COL4A2: variants seen among roughly 807,000 people sequenced by gnomAD.
COL4A2 encodes the protein collagen alpha-2(IV) chain.
COL4A2 carries 99 observed loss-of-function variants against 200.2 expected under a neutral mutation model. The observed-to-expected ratio is 0.49, with a 90% confidence interval of 0.42 to 0.58. The LOEUF is 0.58. Among genes scored for constraint, COL4A2 ranks in the 20% least tolerant of loss-of-function variants. The pLI is 0.00. For synonymous variants in COL4A2, 897 were observed against 900.6 expected (o/e 1.00, Z 0.07); for missense variants, 1,950 against 2,314.1 (o/e 0.84, Z 3.23).
chr13:110,316,975 G>C (rs1885146077), intron 3 of COL4A2, among the ~76,000 whole-genome samples: 1 of 152,028 alleles, frequency 6.6e-6, no homozygotes, highest in South Asian at 2.1e-4. Context: ...AAGAGAGAGA[G>C]AACACACACA....
At chr13:110,368,340 C>T (rs952723092) in intron 4 of COL4A2, among the ~76,000 whole-genome samples, 28 of 152,204 alleles carry the variant, frequency 1.8e-4, no homozygotes, top group Admixed American at 1.8e-3. Context: ...AATAATCCAA[C>T]TCCCAAAAGT....
rs116060799 is a variant in COL4A2 at position 110,439,314 on chromosome 13, A to G, written c.913-475A>G. On this transcript the variant is annotated intron_variant, in intron 15 of 47. Coordinates refer to ENST00000360467, the MANE Select transcript of COL4A2 (RefSeq NM_001846.4). ...TTTTACATTCTCCAAAAATAAGAATAGAGAGACACAGTAGAACATTAGAGT... is the reference window on the plus strand; with the variant it reads ...TTTTACATTCTCCAAAAATAAGAATGGAGAGACACAGTAGAACATTAGAGT... 7.1e-3 allele frequency among the ~76,000 whole-genome samples: 1,076 copies of G among 152,368 alleles called. 8 individuals carry two copies. The highest frequency in any genetic ancestry group is 0.022 in the African/African-American group (923 of 41,582).
At chr13:110,427,322 G>A (rs1300606651) in intron 6 of COL4A2, among the ~76,000 whole-genome samples, 1 of 152,064 alleles carries the variant, frequency 6.6e-6, no homozygotes, top group Non-Finnish European at 1.5e-5. Flanking sequence ...GCTAATTTTT[G>A]TATTTTTAGT....
In COL4A2 at chr13:110,495,475, C is replaced by G; in HGVS notation, c.3760+8C>G. On this transcript the variant is annotated splice_region_variant and intron_variant, in intron 40 of 47. Coordinates refer to ENST00000360467, the MANE Select transcript of COL4A2 (RefSeq NM_001846.4). Reference sequence around the variant, plus strand: ...GAGACCAAGGAGCTCCAGGTGAGGCCACACATTCCAAGCCAACATTGCCGT... The same window carrying G: ...GAGACCAAGGAGCTCCAGGTGAGGCGACACATTCCAAGCCAACATTGCCGT... 1 of 1,610,574 alleles carries G rather than the reference C, an allele frequency of 6.2e-7. No individual in the cohort carries two copies. The highest frequency in any genetic ancestry group is 8.5e-7 in the Non-Finnish European group (1 of 1,178,866).
intron 20 of COL4A2, among the ~76,000 whole-genome samples, chr13:110,452,053 C>T (rs537286093): frequency 1.3e-5 from 2 of 152,212 alleles, no homozygotes; most frequent in Non-Finnish European, 2.9e-5. Context: ...CTCCTACCTT[C>T]GGGGAGGAAA....
intron 4 of COL4A2, among the ~76,000 whole-genome samples, chr13:110,386,202 C>T (rs182207822): frequency 7.2e-4 from 110 of 152,284 alleles, no homozygotes; most frequent in Middle Eastern, 3.4e-3. Context: ...GTTGCAGTTG[C>T]GGATACACTG....
intron 20 of COL4A2, chr13:110,456,753 G>C (rs917459472): frequency 1.7e-5 from 8 of 474,784 alleles, no homozygotes; most frequent in African/African-American, 1.6e-4. Flanking sequence ...GGGGACCCTG[G>C]GCATCCTTGA....
intron 3 of COL4A2, among the ~76,000 whole-genome samples, chr13:110,339,098 A>G (rs1465468024): frequency 1.3e-5 from 2 of 152,158 alleles, no homozygotes; most frequent in Non-Finnish European, 2.9e-5. Context: ...TTAAGAAACT[A>G]TTTTTTCACG....
intron 20 of COL4A2, 116 bp downstream of exon 20, chr13:110,450,570 C>A: frequency 8.0e-7 from 1 of 1,250,074 alleles, no homozygotes; most frequent in Non-Finnish European, 1.1e-6. Flanking sequence ...ATCCAGTAGG[C>A]CAGTGATTAG....
intron 3 of COL4A2, among the ~76,000 whole-genome samples, chr13:110,314,811 C>A (rs1885089688): frequency 6.6e-6 from 1 of 152,162 alleles, no homozygotes; most frequent in Non-Finnish European, 1.5e-5. Flanking sequence ...CCCCTTCCCG[C>A]CTGCCTAGGA....
At chr13:110,510,560 C>G (rs1231161872) in intron 47 of COL4A2, among the ~76,000 whole-genome samples, 1 of 152,200 alleles carries the variant, frequency 6.6e-6, no homozygotes, top group Non-Finnish European at 1.5e-5. Context: ...GTGCGTGTGC[C>G]TGGACTGTGT....
rs371702802 is a variant in COL4A2 at position 110,411,246 on chromosome 13, C to T, written c.181-13488C>T. On this transcript the variant is annotated intron_variant, in intron 4 of 47. Coordinates refer to ENST00000360467, the MANE Select transcript of COL4A2 (RefSeq NM_001846.4). ...TCGTCTTCTCCAAGGTCCAGCTAAA[C>T]CCTGCTTCAGAATATGCTTAAACAG... Among the ~76,000 whole-genome samples, 33 of 152,372 alleles carry T rather than the reference C, an allele frequency of 2.2e-4. No individual in the cohort carries two copies. The South Asian group carries it at 6.8e-3, about 32-fold the overall frequency.
At chr13:110,446,665 G>T (rs999135634) in intron 17 of COL4A2, 133 bp from the exon 18 acceptor site, 12 of 691,522 alleles carry the variant, frequency 1.7e-5, no homozygotes, top group Middle Eastern at 4.0e-4. Flanking sequence ...CACTGTCTGT[G>T]GTTCCACTGG....
chr13:110,322,222 G>T (rs541191228), intron 3 of COL4A2, among the ~76,000 whole-genome samples: 1 of 152,320 alleles, frequency 6.6e-6, no homozygotes, highest in East Asian at 1.9e-4. Flanking sequence ...GGGCTGGCCT[G>T]CCTGCCTGTC....
rs540996508 is a variant in COL4A2, at chr13:110,356,812, G to T, written c.100-660G>T. Among the ~76,000 whole-genome samples the T allele has an allele frequency of 2.4e-3, 357 of 150,832 alleles. 2 individuals carry two copies. The highest frequency in any genetic ancestry group is 8.4e-3 in the African/African-American group (345 of 41,086). On this transcript the variant is annotated intron_variant, in intron 3 of 47. Transcript: ENST00000360467. ...GAGACAGTCTTACTCTGTGGCCCAG[G>T]CTGGAGTGCAGTGGTGTGATCTCAG...
intron 3 of COL4A2, among the ~76,000 whole-genome samples, chr13:110,345,665 C>T (rs757441214): frequency 6.6e-6 from 1 of 152,152 alleles, no homozygotes; most frequent in African/African-American, 2.4e-5. Context: ...AGCTAAGTAC[C>T]GACCTAGACA....
chr13:110,456,881 C>T lies in COL4A2; in HGVS notation c.1340-462C>T, dbSNP rs181801540. 3.2e-4 allele frequency: 152 copies of T among 476,052 alleles called. No individual in the cohort carries two copies. In the East Asian group the frequency reaches 7.0e-3, roughly 22 times the overall value. 29.5% of individuals were successfully genotyped at this position (476,052 alleles called of 1,614,324 possible). On this transcript the variant is annotated intron_variant, in intron 20 of 47. Coordinates refer to ENST00000360467, the MANE Select transcript of COL4A2 (RefSeq NM_001846.4). The stretch of plus-strand genomic sequence containing the variant: ...CCCTGCGTCTGCGTGGGACCCCAGG[C>T]GTCCGTGGGGCTGATGCCGTGCGTC...
Position 110,446,839 on chromosome 13 carries a change from C to T in COL4A2, c.1053C>T (p.Tyr351=), listed in dbSNP as rs768513619. The T allele has an allele frequency of 1.2e-5, 20 of 1,612,622 alleles. 1 individual carries two copies. The Middle Eastern group carries it at 8.2e-4, about 66-fold the overall frequency. The change falls in exon 18 of 48, where the codon TAC becomes TAT. Residue 351 remains tyrosine, a synonymous_variant. Transcript: ENST00000360467. ...GDPGPPGLPA[Y]SPHPSLAKGA... is the part of the protein sequence containing the mutation. ...CAGGGCCCCCTGGACTACCTGCCTA[C>T]TCCCCTCACCCTTCCCTAGCAAAAG...
intron 4 of COL4A2, among the ~76,000 whole-genome samples, chr13:110,392,674 T>G: frequency 6.6e-6 from 1 of 152,138 alleles, no homozygotes; most frequent in Non-Finnish European, 1.5e-5. Context: ...TGCCTGAGAA[T>G]CCCTTGCTTT....
Sources: allele counts gnomAD v4.1 joint callset (sites outside exome capture counted in the v4.1 genomes callset), GRCh38; gene constraint gnomAD v4.1.1; transcripts MANE v1.5; gene names NCBI Gene and HGNC (gene_info 2026-07-23, HGNC 2026-07-21).